The following ZC3H7B variants were observed in gnomAD, a reference collection of about 807,000 sequenced individuals.
ZC3H7B encodes the protein zinc finger CCCH-type containing 7B.
ZC3H7B carries 35 observed loss-of-function variants against 116.0 expected under a neutral mutation model. That is an observed-to-expected ratio of 0.30 (90% CI 0.23 to 0.40). The LOEUF (loss-of-function observed/expected upper bound fraction) is 0.40, where lower values mean the gene tolerates loss of function less well. Among genes scored for constraint, ZC3H7B ranks in the 10% least tolerant of loss-of-function variants. The probability of loss-of-function intolerance (pLI) is 1.00; values close to 1 mark genes in which losing one functional copy is unlikely to be tolerated. For synonymous variants in ZC3H7B, 502 were observed against 545.6 expected (o/e 0.92, Z 1.11); for missense variants, 1,011 against 1,321.5 (o/e 0.77, Z 3.64).
In ZC3H7B at chr22:41,338,941, C is replaced by T. The variant is rs1311116710; in HGVS notation, c.626-60C>T. On this transcript the variant is annotated intron_variant, in intron 8 of 22. Coordinates refer to ENST00000352645, the MANE Select transcript of ZC3H7B (RefSeq NM_017590.6). This position sits in a 1 kb window ranked among gnomAD's most constrained non-coding sequence, Gnocchi z 4.5. The stretch of plus-strand genomic sequence containing the variant: ...TGGATGAGCATCACGGGGCCCGGGA[C>T]GCCTCCTCCACCCTCACCAAGCAGT... 3.6e-5 allele frequency: 52 copies of T among 1,445,948 alleles called. No homozygotes were observed. The South Asian group carries it at 4.5e-4, about 12-fold the overall frequency. 89.6% of individuals were successfully genotyped at this position (1,445,948 alleles called of 1,614,324 possible). A position where few individuals can be genotyped will look rare whatever the true frequency, so the allele number is the denominator to read the frequency against.
In ZC3H7B at chr22:41,340,221, G is replaced by C. The variant is rs2036504015; in HGVS notation, c.1138+84G>C. On this transcript the variant is annotated intron_variant, in intron 10 of 22. Coordinates refer to ENST00000352645, the MANE Select transcript of ZC3H7B (RefSeq NM_017590.6). ...TCTTTGGTGCCTGGAGAGTGGAGTT[G>C]AGTTACAGATCTGTTTGTCCCCATC... 2.9e-6 allele frequency: 4 copies of C among 1,392,562 alleles called. No individual in the cohort carries two copies. In the South Asian group the frequency reaches 4.2e-5, roughly 14 times the overall value. 86.3% of individuals were successfully genotyped at this position (1,392,562 alleles called of 1,614,324 possible).
chr22:41,353,771 C>G (rs2036681367), intron 17 of ZC3H7B, among the ~76,000 whole-genome samples: 1 of 152,198 alleles, frequency 6.6e-6, no homozygotes, highest in Non-Finnish European at 1.5e-5. Flanking sequence ...TCCCTTGCTC[C>G]CTGACTTCTT....
intron 9 of ZC3H7B, 64 bp downstream of exon 9, chr22:41,339,255 CA>C (rs2036485868): frequency 6.6e-7 from 1 of 1,525,256 alleles, no homozygotes; most frequent in Admixed American, 1.9e-5. Flanking sequence ...CCCATTGTCC[CA>C]GGGGTGGAGG....
At chr22:41,315,380 G>A (rs923371708) in intron 1 of ZC3H7B, among the ~76,000 whole-genome samples, 7 of 118,934 alleles carry the variant, frequency 5.9e-5, no homozygotes, top group Non-Finnish European at 1.0e-4. Context: ...TGTAGAAATG[G>A]AGTCTTGCTA....
At chr22:41,343,617 CA>C in intron 13 of ZC3H7B, 41 bp downstream of exon 13, 1 of 1,532,506 alleles carries the variant, frequency 6.5e-7, no homozygotes, top group Non-Finnish European at 8.8e-7. Flanking sequence ...AGCTGGGGCC[CA>C]GCCCCTCCAC....
At chr22:41,356,951 G>A in intron 22 of ZC3H7B, 143 bp downstream of exon 22, 3 of 1,367,164 alleles carry the variant, frequency 2.2e-6, no homozygotes, top group East Asian at 2.4e-5. Context: ...TGGGGGTGGT[G>A]GGGAAGGGTG....
At chr22:41,341,298 G>A (rs544525825) in intron 11 of ZC3H7B, 152 bp downstream of exon 11, 5 of 906,704 alleles carry the variant, frequency 5.5e-6, no homozygotes, top group South Asian at 1.8e-5. Context: ...TGATCACCTC[G>A]TGCCCTTCCT....
chr22:41,348,032 C>T (rs1389767969), intron 14 of ZC3H7B, 35 bp from the exon 15 acceptor site: 3 of 1,595,160 alleles, frequency 1.9e-6, no homozygotes, highest in Non-Finnish European at 2.6e-6. Flanking sequence ...CCCAGGTGGC[C>T]ATGCCAGGTC....
chr22:41,354,969 G>A (rs1380813535), intron 17 of ZC3H7B, among the ~76,000 whole-genome samples: 3 of 152,188 alleles, frequency 2.0e-5, no homozygotes, highest in African/African-American at 7.2e-5. Flanking sequence ...CTACAGGTTC[G>A]GCACTCATAG....
At chr22:41,352,487 G>A (rs1024148917) in intron 17 of ZC3H7B, among the ~76,000 whole-genome samples, 4 of 152,226 alleles carry the variant, frequency 2.6e-5, no homozygotes, top group African/African-American at 9.6e-5. Context: ...GAGGCCCGGC[G>A]CAGTGGCTCA....
At chr22:41,330,207 G>T (rs1336873752) in intron 6 of ZC3H7B, 104 bp downstream of exon 6, 9 of 1,215,472 alleles carry the variant, frequency 7.4e-6, no homozygotes, top group Admixed American at 2.1e-5. Flanking sequence ...CCAGGGCTGG[G>T]TTAGGACAGA....
In ZC3H7B at chr22:41,349,373, G is replaced by A. The variant is rs377187229; in HGVS notation, c.1948+72G>A. The A allele has an allele frequency of 2.0e-5, 31 of 1,569,902 alleles. No homozygotes were observed. The highest frequency in any genetic ancestry group is 1.1e-4 in the East Asian group (5 of 44,448). On this transcript the variant is annotated intron_variant, in intron 16 of 22. Transcript: ENST00000352645. This position sits in a 1 kb window ranked among gnomAD's most constrained non-coding sequence, Gnocchi z 4.9. ...GGTAGGCGGCGCAGGTGAAGGGAGC[G>A]CAGGACTGACTGGGGTGACAGGCCA...
At chr22:41,328,885 G>A (rs1259030878) in intron 5 of ZC3H7B, among the ~76,000 whole-genome samples, 1 of 151,790 alleles carries the variant, frequency 6.6e-6, no homozygotes, top group African/African-American at 2.4e-5. Flanking sequence ...CCTCATTCCT[G>A]TTTAAAAAAA....
chr22:41,311,866 A>G (rs2036122294), intron 1 of ZC3H7B, among the ~76,000 whole-genome samples: 1 of 152,136 alleles, frequency 6.6e-6, no homozygotes, highest in Admixed American at 6.5e-5. Context: ...TTCCTCAACC[A>G]TGCATGGAGG....
chr22:41,327,194 C>G lies in ZC3H7B; in HGVS notation c.286-12C>G. On this transcript the variant is annotated splice_polypyrimidine_tract_variant and intron_variant, in intron 4 of 22. Transcript: ENST00000352645. The surrounding 1 kb of genome is among the most constrained non-coding windows in gnomAD (Gnocchi z 4.5). ...AGGTGTTGACCAGTGACCACATGCT[C>G]CTCTCTGGCAGGGCCTGTATGAGAA... is the stretch of plus-strand genomic sequence containing the variant. 6.2e-7 allele frequency: 1 copy of G among 1,613,334 alleles called. No individual in the cohort carries two copies. Among genetic ancestry groups the G allele is most frequent in the Non-Finnish European group, 8.5e-7 (1 of 1,179,790 alleles).
chr22:41,323,695 C>T (rs561557942), intron 2 of ZC3H7B, among the ~76,000 whole-genome samples: 3 of 152,316 alleles, frequency 2.0e-5, no homozygotes, highest in Non-Finnish European at 2.9e-5. Flanking sequence ...TGTTGGTGCA[C>T]GTGTGCTTCA....
chr22:41,345,929 G>T (rs553501083), intron 13 of ZC3H7B, 74 bp from the exon 14 acceptor site: 2 of 1,500,730 alleles, frequency 1.3e-6, no homozygotes, highest in Admixed American at 1.7e-5. Flanking sequence ...CCCACAGGCC[G>T]CAGCGGGGTG....
chr22:41,319,494 C>T lies in ZC3H7B; in HGVS notation c.-6-1161C>T, dbSNP rs1225510201. The stretch of plus-strand genomic sequence containing the variant: ...CTGAAGCACAAGAATCACTTGAAAC[C>T]GGGAGGTGGAGGTTGGAGTGGGCTG... On this transcript the variant is annotated intron_variant, in intron 1 of 22. Transcript: ENST00000352645. Among the ~76,000 whole-genome samples, 3 of 150,096 alleles carry T rather than the reference C, an allele frequency of 2.0e-5. No individual in the cohort carries two copies. The Admixed American group carries it at 2.0e-4, about 10-fold the overall frequency.
At chr22:41,347,357 A>G (rs2036599827) in intron 14 of ZC3H7B, among the ~76,000 whole-genome samples, 1 of 152,170 alleles carries the variant, frequency 6.6e-6, no homozygotes, top group Non-Finnish European at 1.5e-5. Flanking sequence ...TTCAGTGGCC[A>G]TTGCGCTTCC....
Sources: gnomAD v4.1 joint callset for allele counts (sites outside exome capture counted in the v4.1 genomes callset) on GRCh38, gnomAD v4.1.1 for gene constraint, Gnocchi (gnomAD v3.1) non-coding constraint, MANE v1.5 for transcripts, NCBI Gene and HGNC (gene_info 2026-07-23, HGNC 2026-07-21) for gene names.